The following GRM7 variants were observed in gnomAD, a reference collection of about 807,000 sequenced individuals.
GRM7 encodes glutamate metabotropic receptor 7, also known as metabotropic glutamate receptor 7.
Under a neutral mutation model 84.5 loss-of-function variants are expected in GRM7, and 35 were observed. The observed-to-expected ratio is 0.41, with a 90% CI of 0.32 to 0.55. The LOEUF (loss-of-function observed/expected upper bound fraction) is 0.55, where lower values mean the gene tolerates loss of function less well. GRM7 is among the 20% of genes least tolerant of loss of function. GRM7 has a pLI of 0.19. For synonymous variants in GRM7, 487 were observed against 455.1 expected (o/e 1.07, Z -0.89); for missense variants, 1,003 against 1,194.6 (o/e 0.84, Z 2.36).
rs75284911 is a variant in GRM7, at chr3:7,126,582, A to G, written c.520-19870A>G. 3.7e-3 allele frequency among the ~76,000 whole-genome samples: 560 copies of G among 152,116 alleles called. 9 individuals carry two copies. Among genetic ancestry groups the G allele is most frequent in the East Asian group, 0.035 (182 of 5,168 alleles). Reference sequence around the variant, plus strand: ...GTTGTTTGATGTATGAGCTTTTACTATTTCCTGGGCTATGTGGGGTGAGGG... The same window carrying G: ...GTTGTTTGATGTATGAGCTTTTACTGTTTCCTGGGCTATGTGGGGTGAGGG... On this transcript the variant is annotated intron_variant, in intron 1 of 9. Coordinates refer to ENST00000357716, the MANE Select transcript of GRM7 (RefSeq NM_000844.4).
intron 2 of GRM7, among the ~76,000 whole-genome samples, chr3:7,231,297 C>G (rs1230075509): frequency 6.6e-6 from 1 of 152,170 alleles, no homozygotes; most frequent in East Asian, 1.9e-4. Flanking sequence ...TGAATAAACT[C>G]AGTACCCAAT....
chr3:7,638,040 A>G (rs529384478), intron 8 of GRM7, among the ~76,000 whole-genome samples: 64 of 152,194 alleles, frequency 4.2e-4, no homozygotes, highest in Non-Finnish European at 8.1e-4. Context: ...ATCCAAGAGA[A>G]TTGAGACACC....
At chr3:7,594,366 G>T (rs775741187) in intron 8 of GRM7, among the ~76,000 whole-genome samples, 2 of 152,140 alleles carry the variant, frequency 1.3e-5, no homozygotes, top group African/African-American at 2.4e-5. Flanking sequence ...TTATAAGAAT[G>T]CCACCCCATG....
intron 5 of GRM7, among the ~76,000 whole-genome samples, chr3:7,437,018 C>G (rs1074137): frequency 0.32 from 49,031 of 151,762 alleles, 9,210 homozygotes; most frequent in Non-Finnish European, 0.44. Flanking sequence ...GACATCAAGT[C>G]CAATGTATAC....
intron 7 of GRM7, among the ~76,000 whole-genome samples, chr3:7,467,508 G>A (rs865897403): frequency 9.9e-5 from 15 of 152,222 alleles, no homozygotes; most frequent in Middle Eastern, 3.4e-3. Flanking sequence ...CCCGTACTAC[G>A]TCTCCCTAAT....
chr3:6,872,453 GAGA>G (rs1472490725), intron 1 of GRM7, among the ~76,000 whole-genome samples: 1 of 152,014 alleles, frequency 6.6e-6, no homozygotes, highest in Non-Finnish European at 1.5e-5. Flanking sequence ...TGGCTTACGG[GAGA>G]AGATCGTTGT....
chr3:6,918,615 G>A (rs532977572), intron 1 of GRM7, among the ~76,000 whole-genome samples: 3 of 152,184 alleles, frequency 2.0e-5, no homozygotes, highest in South Asian at 2.1e-4. Context: ...TATTGGCTAA[G>A]AGCTCACTAC....
At chr3:7,273,418 G>A (rs567120574) in intron 2 of GRM7, among the ~76,000 whole-genome samples, 1 of 152,110 alleles carries the variant, frequency 6.6e-6, no homozygotes, top group Admixed American at 6.5e-5. Flanking sequence ...CTAATTTTCT[G>A]CCTGCTAAAT....
At chr3:6,950,266 C>T (rs534030703) in intron 1 of GRM7, among the ~76,000 whole-genome samples, 9 of 151,154 alleles carry the variant, frequency 6.0e-5, no homozygotes, top group African/African-American at 2.2e-4. Flanking sequence ...GTTAGTTTTC[C>T]TTCTAATAGT....
chr3:6,947,562 G>A (rs1241867895), intron 1 of GRM7, among the ~76,000 whole-genome samples: 1 of 152,196 alleles, frequency 6.6e-6, no homozygotes, highest in East Asian at 1.9e-4. Context: ...GATGATGCTG[G>A]CCTCATAAAA....
rs1396188422 is a variant in GRM7 at position 7,680,605 on chromosome 3, T to A, written c.2698+310T>A. The A allele has an allele frequency of 1.3e-5, 4 of 315,586 alleles. No homozygotes were observed. The South Asian group carries it at 1.8e-4, about 14-fold the overall frequency. The allele number at this position is 315,586 out of a possible 1,614,324, so 19.5% of individuals were successfully genotyped here. A position where few individuals can be genotyped will look rare whatever the true frequency, so the allele number is the denominator to read the frequency against. On this transcript the variant is annotated intron_variant, in intron 9 of 9. Coordinates refer to ENST00000357716, the MANE Select transcript of GRM7 (RefSeq NM_000844.4). Reference sequence around the variant, plus strand: ...AAATGCACCTATCAGGTTGTTCTTTTCTTGCACCCTTCCTGCTAAGGCAAC... The same window carrying A: ...AAATGCACCTATCAGGTTGTTCTTTACTTGCACCCTTCCTGCTAAGGCAAC...
intron 4 of GRM7, among the ~76,000 whole-genome samples, chr3:7,377,379 A>G (rs150181683): frequency 1.0e-3 from 155 of 152,288 alleles, no homozygotes; most frequent in African/African-American, 3.6e-3. Flanking sequence ...TGTTTATCTG[A>G]AACTGAATCT....
chr3:7,462,600 G>C (rs1166458866), intron 7 of GRM7, among the ~76,000 whole-genome samples: 1 of 152,190 alleles, frequency 6.6e-6, no homozygotes, highest in East Asian at 1.9e-4. Flanking sequence ...TGAGAACAAG[G>C]CTTCTTGGGT....
chr3:7,657,808 T>C (rs1699269859), intron 8 of GRM7, among the ~76,000 whole-genome samples: 1 of 152,114 alleles, frequency 6.6e-6, no homozygotes, highest in African/African-American at 2.4e-5. Context: ...GTCAAGAAAA[T>C]GTGACCTTTA....
rs555021296 is a variant in GRM7 at position 7,695,973 on chromosome 3, C to G, written c.2698+15678C>G. On this transcript the variant is annotated intron_variant, in intron 9 of 9. Transcript: ENST00000357716. The stretch of plus-strand genomic sequence containing the variant: ...CTTCTCAGTTGCACTAGTTAGATTT[C>G]AGGTTCTCAACAGGCACATGTAGCT... Among the ~76,000 whole-genome samples the G allele has an allele frequency of 1.2e-4, 18 of 152,244 alleles. 1 individual carries two copies. Among genetic ancestry groups the G allele is most frequent in the African/African-American group, 4.3e-4 (18 of 41,554 alleles).
intron 4 of GRM7, among the ~76,000 whole-genome samples, chr3:7,405,097 T>C (rs1217026250): frequency 1.3e-5 from 2 of 152,166 alleles, no homozygotes; most frequent in Non-Finnish European, 2.9e-5. Context: ...GCTCTGGGCA[T>C]AGTAGTCACC....
chr3:7,172,039 G>A (rs1403194869), intron 2 of GRM7, among the ~76,000 whole-genome samples: 2 of 152,150 alleles, frequency 1.3e-5, no homozygotes, highest in Non-Finnish European at 2.9e-5. Context: ...TGTGGGAAAG[G>A]GACTTCCATG....
At chr3:7,229,760 T>TATATATATATATATATA (rs68069165) in intron 2 of GRM7, among the ~76,000 whole-genome samples, 19 of 23,450 alleles carry the variant, frequency 8.1e-4, no homozygotes, top group South Asian at 1.8e-3. Flanking sequence ...TATATATATA[T>TATATATATATATATATA]TTTTTTTTTT....
Position 7,109,655 on chromosome 3 carries a change from C to T in GRM7, c.520-36797C>T, listed in dbSNP as rs373531572. ...GCATGGAAGAAGCTGGACTCCTTTT[C>T]ATTTCGTCCGCTATAGTGAGTTCTA... On this transcript the variant is annotated intron_variant, in intron 1 of 9. Transcript: ENST00000357716. Among the ~76,000 whole-genome samples the T allele has an allele frequency of 8.9e-4, 135 of 152,208 alleles. 1 individual carries two copies. In the East Asian group the frequency reaches 0.023, roughly 26 times the overall value.
Sources: allele counts gnomAD v4.1 joint callset (sites outside exome capture counted in the v4.1 genomes callset), GRCh38; gene constraint gnomAD v4.1.1; transcripts MANE v1.5; gene names NCBI Gene and HGNC (gene_info 2026-07-23, HGNC 2026-07-21).